DACH2: variants seen among roughly 807,000 people sequenced by gnomAD.
The protein encoded by DACH2 is dachshund homolog 2.
Under a neutral mutation model 35.8 loss-of-function variants are expected in DACH2, and 17 were observed. The ratio of observed to expected loss-of-function variants is 0.48; its 90% CI spans 0.33 to 0.71. The LOEUF (loss-of-function observed/expected upper bound fraction) is 0.71, where lower values mean the gene tolerates loss of function less well. Among genes scored for constraint, DACH2 ranks in the 30% least tolerant of loss-of-function variants. DACH2 has a pLI of 0.02. For missense variants in DACH2, 469 were observed against 472.7 expected (o/e 0.99, Z 0.07); for synonymous variants, 195 against 177.3 (o/e 1.10, Z -0.79).
In DACH2 at chrX:86,507,061, A is replaced by G. The variant is rs144132041; in HGVS notation, c.528-7218A>G. On this transcript the variant is annotated intron_variant, in intron 2 of 11. Coordinates refer to ENST00000373125, the MANE Select transcript of DACH2 (RefSeq NM_053281.3). Reference sequence around the variant, plus strand: ...AAGAGCAAAAGTTTAAAAGGAGTTTAAGTCAGCAAGGAAACTGCCTTCTGA... The same window carrying G: ...AAGAGCAAAAGTTTAAAAGGAGTTTGAGTCAGCAAGGAAACTGCCTTCTGA... Among the ~76,000 whole-genome samples, 581 of 111,922 alleles carry G rather than the reference A, an allele frequency of 5.2e-3. 5 individuals carry two copies. Among genetic ancestry groups the G allele is most frequent in the African/African-American group, 0.018 (553 of 30,809 alleles).
At chrX:86,168,577 T>TCTTGTCTTTTTTTTC (rs934867985) in intron 1 of DACH2, among the ~76,000 whole-genome samples, 4 of 110,282 alleles carry the variant, frequency 3.6e-5, no homozygotes, top group Non-Finnish European at 5.7e-5. Flanking sequence ...TTATTTGTTT[T>TCTTGTCTTTTTTTTC]CTTGTCTTTT....
intron 3 of DACH2, among the ~76,000 whole-genome samples, chrX:86,583,329 C>T (rs975568111): frequency 1.0e-4 from 11 of 110,363 alleles, no homozygotes; most frequent in South Asian, 3.8e-4. Flanking sequence ...CCTTATCACT[C>T]TTATTGAACA....
intron 7 of DACH2, among the ~76,000 whole-genome samples, chrX:86,745,757 T>C (rs958751591): frequency 8.9e-6 from 1 of 111,774 alleles, no homozygotes. Context: ...TATCCAATAA[T>C]GGGATTGCTG....
At chrX:86,731,792 C>A (rs1315486285) in intron 6 of DACH2, among the ~76,000 whole-genome samples, 3 of 111,654 alleles carry the variant, frequency 2.7e-5, no homozygotes, top group Non-Finnish European at 5.7e-5. Context: ...CATTTTAGGT[C>A]TCAGAAGTGA....
chrX:86,806,533 G>A (rs1054449839), intron 7 of DACH2, among the ~76,000 whole-genome samples: 3 of 111,691 alleles, frequency 2.7e-5, no homozygotes, highest in Non-Finnish European at 3.8e-5. Flanking sequence ...AAATATGTTG[G>A]GGATGGGACT....
intron 3 of DACH2, among the ~76,000 whole-genome samples, chrX:86,556,887 C>T (rs768811223): frequency 9.8e-6 from 1 of 101,685 alleles, no homozygotes; most frequent in East Asian, 3.3e-4. Context: ...AGAAGTCTTG[C>T]GATATGCTGT....
intron 1 of DACH2, among the ~76,000 whole-genome samples, chrX:86,184,033 A>G (rs1284672395): frequency 9.1e-6 from 1 of 110,144 alleles, no homozygotes; most frequent in Non-Finnish European, 1.9e-5. Context: ...CCCTTTTATC[A>G]TTTTTTATTG....
At chrX:86,228,369 G>C (rs2032872327) in intron 1 of DACH2, among the ~76,000 whole-genome samples, 1 of 109,136 alleles carries the variant, frequency 9.2e-6, no homozygotes, top group South Asian at 3.9e-4. Context: ...CCACGATTTT[G>C]CTATTGTGAA....
chrX:86,309,053 G>A (rs2034746708), intron 1 of DACH2, among the ~76,000 whole-genome samples: 1 of 111,650 alleles, frequency 9.0e-6, no homozygotes. Context: ...CCAAATGGAA[G>A]CCATTAGAGC....
At chrX:86,620,896 T>C (rs1290252242) in intron 3 of DACH2, among the ~76,000 whole-genome samples, 1 of 111,421 alleles carries the variant, frequency 9.0e-6, no homozygotes, top group Non-Finnish European at 1.9e-5. Context: ...AAGTTCTCTG[T>C]TTTCAGTATA....
rs541214733 is a variant in DACH2 at position 86,637,728 on chromosome X, G to A, written c.641-13308G>A. 9.0e-5 allele frequency among the ~76,000 whole-genome samples: 10 copies of A among 110,978 alleles called. No individual in the cohort carries two copies. In the South Asian group the frequency reaches 3.5e-3, roughly 39 times the overall value. ...TACACATACTGGGGCCTATTAGAGA[G>A]TGGAGCTTGGGAGGAGGAAGCAGAT... On this transcript the variant is annotated intron_variant, in intron 3 of 11. Coordinates refer to ENST00000373125, the MANE Select transcript of DACH2 (RefSeq NM_053281.3).
intron 3 of DACH2, among the ~76,000 whole-genome samples, chrX:86,517,504 C>A (rs1329630705): frequency 9.3e-6 from 1 of 107,544 alleles, no homozygotes; most frequent in African/African-American, 3.4e-5. Context: ...GCAACCTCTG[C>A]CTCCTGGGCT....
chrX:86,278,377 A>C (rs1452614766), intron 1 of DACH2, among the ~76,000 whole-genome samples: 1 of 111,742 alleles, frequency 8.9e-6, no homozygotes, highest in Non-Finnish European at 1.9e-5. Flanking sequence ...CCACTTCTTC[A>C]AGCATCTTGA....
At chrX:86,375,580 T>C (rs754281282) in intron 1 of DACH2, among the ~76,000 whole-genome samples, 3 of 106,869 alleles carry the variant, frequency 2.8e-5, no homozygotes, top group Non-Finnish European at 5.8e-5. Flanking sequence ...TGTATGATTA[T>C]ATTTTATTTA....
chrX:86,728,038 T>C (rs989582330), intron 6 of DACH2, among the ~76,000 whole-genome samples: 9 of 111,982 alleles, frequency 8.0e-5, no homozygotes, highest in African/African-American at 2.9e-4. Context: ...GTTTGGAACT[T>C]GTTAGAGACT....
chrX:86,469,003 A>G (rs921334146), intron 2 of DACH2, among the ~76,000 whole-genome samples: 6 of 111,077 alleles, frequency 5.4e-5, no homozygotes, highest in Non-Finnish European at 7.5e-5. Flanking sequence ...TATATACACA[A>G]TGTAATACTC....
chrX:86,189,655 A>G (rs1267919454), intron 1 of DACH2, among the ~76,000 whole-genome samples: 1 of 111,537 alleles, frequency 9.0e-6, no homozygotes, highest in African/African-American at 3.3e-5. Context: ...TTCTTAGGCT[A>G]TGGTACAAAA....
chrX:86,674,467 C>T (rs181738818), intron 4 of DACH2, among the ~76,000 whole-genome samples: 4 of 112,109 alleles, frequency 3.6e-5, no homozygotes, highest in South Asian at 3.7e-4. Context: ...CGAATTGATT[C>T]TTATGAGGGT....
intron 2 of DACH2, among the ~76,000 whole-genome samples, chrX:86,424,349 T>G (rs774656430): frequency 9.0e-6 from 1 of 111,586 alleles, no homozygotes; most frequent in South Asian, 3.7e-4. Context: ...TTTGATGTCC[T>G]TCTCAATTTT....
Sources: gnomAD v4.1 joint callset for allele counts (sites outside exome capture counted in the v4.1 genomes callset) on GRCh38, gnomAD v4.1.1 for gene constraint, MANE v1.5 for transcripts, NCBI Gene and HGNC (gene_info 2026-07-23, HGNC 2026-07-21) for gene names.